Variants in PTBP2 observed in about 807,000 individuals in gnomAD.
The protein encoded by PTBP2 is polypyrimidine tract binding protein 2, also known as polypyrimidine tract-binding protein 2.
PTBP2 carries 13 observed loss-of-function variants against 61.4 expected under a neutral mutation model. The ratio of observed to expected loss-of-function variants is 0.21; its 90% CI spans 0.14 to 0.34. The LOEUF (loss-of-function observed/expected upper bound fraction) is 0.34. PTBP2 is among the 10% of genes least tolerant of loss of function. The probability of loss-of-function intolerance (pLI) is 1.00; values close to 1 mark genes in which losing one functional copy is unlikely to be tolerated. For synonymous variants in PTBP2, 215 were observed against 218.5 expected (o/e 0.98, Z 0.14); for missense variants, 405 against 642.6 (o/e 0.63, Z 4.00).
At chr1:96,765,959 T>A (rs79274558) in intron 3 of PTBP2, among the ~76,000 whole-genome samples, 6,836 of 152,144 alleles carry the variant, frequency 0.045, 482 homozygotes, top group African/African-American at 0.15. Flanking sequence ...AAGAGAGGGT[T>A]CACAGTTCCT....
intron 7 of PTBP2, among the ~76,000 whole-genome samples, chr1:96,779,970 A>G (rs1022971083): frequency 6.6e-6 from 1 of 152,024 alleles, no homozygotes; most frequent in African/African-American, 2.4e-5. Context: ...TCTTCAGTCA[A>G]CAGTTTTTCT....
At chr1:96,796,602 A>G (rs1273897839) in intron 8 of PTBP2, among the ~76,000 whole-genome samples, 1 of 152,208 alleles carries the variant, frequency 6.6e-6, no homozygotes, top group Non-Finnish European at 1.5e-5. Flanking sequence ...TTCTAGAATT[A>G]GCATTTGTGG....
chr1:96,746,913 C>CCCTCCCTCCCTTCCTTCCTT (rs1397374147), intron 2 of PTBP2, among the ~76,000 whole-genome samples: 1 of 29,516 alleles, frequency 3.4e-5, no homozygotes, highest in African/African-American at 1.4e-4. Flanking sequence ...CTCCCTCCCT[C>CCCTCCCTCCCTTCCTTCCTT]CCTTCCTTCC....
At chr1:96,803,707 A>T (rs1661243544) in intron 8 of PTBP2, among the ~76,000 whole-genome samples, 1 of 152,186 alleles carries the variant, frequency 6.6e-6, no homozygotes, top group Non-Finnish European at 1.5e-5. Flanking sequence ...AACCAAAGGT[A>T]ACAGCAGATT....
At chr1:96,780,634 CCTCT>C (rs1301327119) in intron 7 of PTBP2, among the ~76,000 whole-genome samples, 3 of 152,084 alleles carry the variant, frequency 2.0e-5, no homozygotes, top group South Asian at 4.1e-4. Context: ...ATTTATCCTA[CCTCT>C]CTATTTCTTC....
chr1:96,751,562 C>CAGG, intron 3 of PTBP2, 62 bp downstream of exon 3: 1 of 1,236,312 alleles, frequency 8.1e-7, no homozygotes, highest in Middle Eastern at 2.0e-4. Context: ...TGTTAAAACT[C>CAGG]AAATTTAACC....
intron 2 of PTBP2, among the ~76,000 whole-genome samples, chr1:96,724,746 AC>A (rs1225753565): frequency 2.6e-5 from 4 of 151,724 alleles, no homozygotes; most frequent in Non-Finnish European, 5.9e-5. Flanking sequence ...TAGGAGATAT[AC>A]CTAATGCTAA....
chr1:96,738,414 C>T (rs1284679100), intron 2 of PTBP2, among the ~76,000 whole-genome samples: 2 of 152,116 alleles, frequency 1.3e-5, no homozygotes, highest in African/African-American at 4.8e-5. Context: ...GCTGGGACTG[C>T]AGGTGCCTGC....
At chr1:96,817,306 A>T (rs1427074086), downstream of PTBP2, 3 of 152,094 alleles carry the variant, frequency 2.0e-5, no homozygotes, top group Non-Finnish European at 4.4e-5. Flanking sequence ...CGTTTTTTTC[A>T]TTCAGAAGAA....
intron 2 of PTBP2, among the ~76,000 whole-genome samples, chr1:96,746,955 A>G (rs1653927900): frequency 7.4e-6 from 1 of 135,256 alleles, no homozygotes; most frequent in African/African-American, 2.8e-5. Context: ...ACTTTACTTT[A>G]GATTCAGGGT....
At chr1:96,723,427 G>A (rs1649917537) in intron 1 of PTBP2, 137 bp from the exon 2 acceptor site, 1 of 601,598 alleles carries the variant, frequency 1.7e-6, no homozygotes, top group Non-Finnish European at 2.8e-6. Flanking sequence ...GATCATCTGT[G>A]GTATTTTTTA....
chr1:96,817,137 G>T (rs1423899690), downstream of PTBP2: 1 of 152,072 alleles, frequency 6.6e-6, no homozygotes, highest in South Asian at 2.1e-4. Context: ...CTGCACTTAA[G>T]ATTTCATATG....
At chr1:96,804,437 T>TTTTTTTTTTTTTTTTTTTTTTTTGAG (rs1553187763) in intron 8 of PTBP2, among the ~76,000 whole-genome samples, 5 of 152,194 alleles carry the variant, frequency 3.3e-5, no homozygotes, top group South Asian at 2.1e-4. Context: ...GATACTTTTT[T>TTTTTTTTTTTTTTTTTTTTTTTTGAG]ACATTTGGCC....
intron 2 of PTBP2, among the ~76,000 whole-genome samples, chr1:96,726,992 A>G (rs1252654168): frequency 6.6e-6 from 1 of 152,220 alleles, no homozygotes; most frequent in Non-Finnish European, 1.5e-5. Flanking sequence ...TTGTGAAACC[A>G]CTGCAATCAA....
intron 5 of PTBP2, among the ~76,000 whole-genome samples, chr1:96,772,972 AATT>A (rs1657553389): frequency 6.6e-6 from 1 of 151,188 alleles, no homozygotes; most frequent in African/African-American, 2.4e-5. Context: ...AAAAAAAAAA[AATT>A]AGCCAGGCAT....
chr1:96,789,119 A>G (rs374002709), intron 8 of PTBP2, among the ~76,000 whole-genome samples: 8 of 152,078 alleles, frequency 5.3e-5, no homozygotes, highest in Admixed American at 1.3e-4. Context: ...GCTGGAAGTA[A>G]TTTTTCATGA....
downstream of PTBP2, chr1:96,819,868 T>A (rs1310169717): frequency 6.6e-6 from 1 of 151,764 alleles, no homozygotes; most frequent in Non-Finnish European, 1.5e-5. Context: ...GAATTACGGT[T>A]AAAGAGCTCC....
At chr1:96,788,395 T>A (rs946655416) in intron 8 of PTBP2, among the ~76,000 whole-genome samples, 1 of 152,128 alleles carries the variant, frequency 6.6e-6, no homozygotes, top group Non-Finnish European at 1.5e-5. Context: ...TTCTTCTTCA[T>A]ACGTTTGGTG....
intron 8 of PTBP2, among the ~76,000 whole-genome samples, chr1:96,791,625 A>G (rs1364808935): frequency 6.6e-6 from 1 of 152,094 alleles, no homozygotes; most frequent in African/African-American, 2.4e-5. Context: ...GTTTCTAAGA[A>G]CTAATCTTTT....
Sources: gnomAD v4.1 joint callset for allele counts (sites outside exome capture counted in the v4.1 genomes callset) on GRCh38, gnomAD v4.1.1 for gene constraint, MANE v1.5 for transcripts, NCBI Gene and HGNC (gene_info 2026-07-23, HGNC 2026-07-21) for gene names.